UPRT: variants seen among roughly 807,000 people sequenced by gnomAD.
UPRT encodes the protein uracil phosphoribosyltransferase homolog.
A neutral mutation model predicts 22.6 loss-of-function variants in UPRT; 5 were observed. The ratio of observed to expected loss-of-function variants is 0.22; its 90% CI spans 0.12 to 0.47. UPRT has a LOEUF of 0.47. UPRT is among the 20% of genes least tolerant of loss of function. The pLI, the probability that UPRT is intolerant of heterozygous loss-of-function variation, is 0.99. For missense variants in UPRT, 181 were observed against 239.9 expected, an observed-to-expected ratio of 0.75 and a Z score of 1.62; for synonymous variants, 77 against 87.7, an observed-to-expected ratio of 0.88 and a Z score of 0.68.
At chrX:75,183,923 G>A (rs2082280009) in intron 4 of UPRT, among the ~76,000 whole-genome samples, 1 of 111,698 alleles carries the variant, frequency 9.0e-6, no homozygotes, top group African/African-American at 3.3e-5. Context: ...CTGGATATTA[G>A]CCCTTTGTCA....
intron 4 of UPRT, among the ~76,000 whole-genome samples, chrX:75,255,986 A>T (rs2082548435): frequency 8.9e-6 from 1 of 112,031 alleles, no homozygotes; most frequent in South Asian, 3.7e-4. Context: ...TAAACAATGG[A>T]TTTAAACTGT....
intron 4 of UPRT, among the ~76,000 whole-genome samples, chrX:75,187,015 C>T (rs1340660263): frequency 9.0e-6 from 1 of 111,306 alleles, no homozygotes; most frequent in African/African-American, 3.3e-5. Context: ...GCATTTAGTC[C>T]ATTTACATTT....
chrX:75,253,210 AAG>A (rs1317856008), intron 4 of UPRT, among the ~76,000 whole-genome samples: 3 of 112,208 alleles, frequency 2.7e-5, no homozygotes, highest in Non-Finnish European at 5.6e-5. Flanking sequence ...AATTTAAAAA[AAG>A]AATAAAAACA....
At chrX:75,224,853 G>A (rs1176041938) in intron 4 of UPRT, among the ~76,000 whole-genome samples, 1 of 111,264 alleles carries the variant, frequency 9.0e-6, no homozygotes, top group Admixed American at 9.6e-5. Flanking sequence ...TTTTGAGAGG[G>A]CTCTTAGGTT....
intron 4 of UPRT, among the ~76,000 whole-genome samples, chrX:75,212,451 G>A (rs1418001591): frequency 8.9e-6 from 1 of 111,872 alleles, no homozygotes; most frequent in Admixed American, 9.5e-5. Flanking sequence ...TGAAATAAAG[G>A]CAGAAATCAA....
intron 4 of UPRT, among the ~76,000 whole-genome samples, chrX:75,237,569 C>G (rs756154031): frequency 0.01 from 1,154 of 110,016 alleles, 20 homozygotes; most frequent in African/African-American, 0.037. Context: ...CAATGATAGA[C>G]TGGATTAAGA....
intron 4 of UPRT, among the ~76,000 whole-genome samples, chrX:75,253,327 C>T (rs1602475692): frequency 8.9e-6 from 1 of 112,027 alleles, no homozygotes; most frequent in African/African-American, 3.2e-5. Flanking sequence ...CATCACTGGT[C>T]ATTTGAGAAA....
chrX:75,199,249 C>T (rs1234047615), intron 4 of UPRT, among the ~76,000 whole-genome samples: 1 of 111,817 alleles, frequency 8.9e-6, no homozygotes, highest in African/African-American at 3.3e-5. Flanking sequence ...CCAGGCTGCA[C>T]AGCTTGTGGC....
At chrX:75,162,172 G>C (rs1283295142) in intron 2 of UPRT, among the ~76,000 whole-genome samples, 1 of 102,619 alleles carries the variant, frequency 9.7e-6, no homozygotes, top group Admixed American at 1.1e-4. Flanking sequence ...GGCTGGTCTC[G>C]AACTCCTGAC....
At chrX:75,189,428 C>T (rs758715748) in intron 4 of UPRT, among the ~76,000 whole-genome samples, 5 of 111,741 alleles carry the variant, frequency 4.5e-5, no homozygotes, top group Non-Finnish European at 7.5e-5. Flanking sequence ...GGAATAATCA[C>T]GTTGTGGTGC....
chrX:75,217,363 G>T (rs975302775), intron 4 of UPRT, among the ~76,000 whole-genome samples: 4 of 111,321 alleles, frequency 3.6e-5, no homozygotes, highest in African/African-American at 1.3e-4. Context: ...TAGCTTGATG[G>T]GGATGGCATT....
chrX:75,251,212 G>T (rs1017238693), intron 4 of UPRT, among the ~76,000 whole-genome samples: 1 of 111,310 alleles, frequency 9.0e-6, no homozygotes, highest in Non-Finnish European at 1.9e-5. Context: ...TTCTGGCCAG[G>T]GCAATCAGGC....
intron 4 of UPRT, among the ~76,000 whole-genome samples, chrX:75,186,300 A>C (rs1332409833): frequency 1.8e-5 from 2 of 111,700 alleles, no homozygotes; most frequent in East Asian, 5.6e-4. Context: ...ATTCAGGAGC[A>C]GGTTGTTCAG....
At chrX:75,290,898 A>G (rs934231196) in intron 1 of UPRT, among the ~76,000 whole-genome samples, 3 of 111,070 alleles carry the variant, frequency 2.7e-5, no homozygotes, top group African/African-American at 9.8e-5. Context: ...CCTCAGCATC[A>G]TGCAATAGAC....
intron 4 of UPRT, among the ~76,000 whole-genome samples, chrX:75,225,358 CA>C (rs1392091487): frequency 6.4e-5 from 7 of 109,573 alleles, no homozygotes; most frequent in African/African-American, 2.3e-4. Flanking sequence ...CACACACACA[CA>C]CACACACCCT....
chrX:75,271,907 A>T (rs986334656), upstream of UPRT, among the ~76,000 whole-genome samples: 10 of 111,770 alleles, frequency 8.9e-5, no homozygotes, highest in Admixed American at 3.8e-4. Context: ...AACATCACTA[A>T]TTATCAGAGA....
upstream of UPRT, among the ~76,000 whole-genome samples, chrX:75,271,385 A>G (rs1193102503): frequency 1.8e-5 from 2 of 111,712 alleles, no homozygotes; most frequent in Admixed American, 9.5e-5. Flanking sequence ...ACAAAAATAT[A>G]AAGTGGGGAG....
chrX:75,208,428 G>A (rs1183395531), intron 4 of UPRT, among the ~76,000 whole-genome samples: 1 of 111,912 alleles, frequency 8.9e-6, no homozygotes, highest in Admixed American at 9.5e-5. Context: ...ATATTAGTTG[G>A]ATGGATGTTT....
At chrX:75,244,995 G>C (rs917524611) in intron 4 of UPRT, among the ~76,000 whole-genome samples, 1 of 110,700 alleles carries the variant, frequency 9.0e-6, no homozygotes, top group Non-Finnish European at 1.9e-5. Context: ...GACAACCACA[G>C]AATGGGAGAA....
Sources: gnomAD v4.1 joint callset for allele counts (sites outside exome capture counted in the v4.1 genomes callset) on GRCh38, gnomAD v4.1.1 for gene constraint, MANE v1.5 for transcripts, NCBI Gene and HGNC (gene_info 2026-07-23, HGNC 2026-07-21) for gene names.